Variants in BAHCC1 observed in about 807,000 individuals in gnomAD.
The protein encoded by BAHCC1 is BAH domain and coiled-coil containing 1, also known as BAH and coiled-coil domain-containing protein 1.
Under a neutral mutation model 88.2 loss-of-function variants are expected in BAHCC1, and 43 were observed. The observed-to-expected ratio is 0.49, with a 90% CI of 0.38 to 0.63. BAHCC1 has a LOEUF of 0.63. Ranked by LOEUF, BAHCC1 falls within the 20% of genes least tolerant of loss-of-function variation. BAHCC1 has a pLI of 0.00. For synonymous variants in BAHCC1, 1,510 were observed against 745.5 expected (o/e 2.03, Z -16.71); for missense variants, 3,023 against 1,654.8 (o/e 1.83, Z -14.34).
Position 81,455,364 on chromosome 17 carries a change from T to C in BAHCC1, c.4543T>C (p.Tyr1515His). The stretch of plus-strand genomic sequence containing the variant: ...GCGAAGCAAGCTGGAGAGGAGCGTC[T>C]ATGCGGGCCTGCAGACTGCCTCCGT... ...KKRSKLERSV[Y>H]AGLQTASVEK... The change falls in exon 15 of 28, where the codon TAT (tyrosine) becomes CAT (histidine). Residue 1515 changes from tyrosine to histidine, a missense_variant. Coordinates refer to ENST00000675386, the MANE Select transcript of BAHCC1 (RefSeq NM_001377448.1). 1.4e-6 allele frequency: 1 copy of C among 716,594 alleles called. No individual in the cohort carries two copies. The highest frequency in any genetic ancestry group is 2.6e-6 in the Non-Finnish European group (1 of 384,920). The allele number at this position is 716,594 out of a possible 1,614,324, so 44.4% of individuals were successfully genotyped here. A position where few individuals can be genotyped will look rare whatever the true frequency, so the allele number is the denominator to read the frequency against.
chr17:81,402,854 T>C (rs1173368292), intron 2 of BAHCC1: 1 of 152,256 alleles, frequency 6.6e-6, no homozygotes, highest in African/African-American at 2.4e-5. Flanking sequence ...GCTCCCAGGC[T>C]TCTTCCATTG....
chr17:81,451,918 GC>G (rs781804584), intron 12 of BAHCC1, 48 bp downstream of exon 12: 7 of 654,770 alleles, frequency 1.1e-5, no homozygotes, highest in South Asian at 8.3e-5. Context: ...TTGCCACAGA[GC>G]CCCAGCCTGG....
chr17:81,422,923 C>G (rs1032469134), intron 2 of BAHCC1: 22 of 304,978 alleles, frequency 7.2e-5, no homozygotes, highest in Non-Finnish European at 1.2e-4. Flanking sequence ...CACACTCACC[C>G]CACAGGCATG....
chr17:81,453,623 G>A (rs1555656496), intron 14 of BAHCC1, among the ~76,000 whole-genome samples: 1 of 151,940 alleles, frequency 6.6e-6, no homozygotes, highest in African/African-American at 2.4e-5. Context: ...GCCCTGCCCA[G>A]GTGTCTCCTG....
Position 81,443,434 on chromosome 17 carries a change from C to T in BAHCC1, c.2085C>T (p.Asp695=), listed in dbSNP as rs782756930. 12 of 752,116 alleles carry T rather than the reference C, an allele frequency of 1.6e-5. No individual in the cohort carries two copies. Among genetic ancestry groups the T allele is most frequent in the African/African-American group, 8.6e-5 (5 of 58,460 alleles). 46.6% of individuals were successfully genotyped at this position (752,116 alleles called of 1,614,324 possible). A position where few individuals can be genotyped will look rare whatever the true frequency, so the allele number is the denominator to read the frequency against. Residue 695 remains aspartate, a synonymous_variant, in exon 5 of 28, where the codon GAC becomes GAT. Coordinates refer to ENST00000675386, the MANE Select transcript of BAHCC1 (RefSeq NM_001377448.1). ...RSREHDTTHG[D]GEVRQPPVGI... ...GGGAGCACGACACCACGCACGGCGA[C>T]GGGGAGGTGCGGCAGCCCCCTGTGG...
chr17:81,398,777 C>G (rs1555645316), intron 1 of BAHCC1, among the ~76,000 whole-genome samples: 1 of 72,184 alleles, frequency 1.4e-5, no homozygotes, highest in Non-Finnish European at 2.7e-5. Context: ...GGTTGCGGGC[C>G]TCCGGGGCTC....
intron 13 of BAHCC1, 21 bp downstream of exon 13, chr17:81,452,128 G>T: frequency 1.7e-6 from 1 of 583,614 alleles, no homozygotes; most frequent in Non-Finnish European, 3.0e-6. Context: ...CGTGGCGGGG[G>T]GGCCTGGGAG....
intron 2 of BAHCC1, chr17:81,402,226 C>T (rs556204488): frequency 2.6e-5 from 4 of 152,306 alleles, no homozygotes; most frequent in East Asian, 1.9e-4. Flanking sequence ...CGCTTGTGCT[C>T]GGAGATGTTC....
At chr17:81,448,471 C>T (rs1179652031) in intron 11 of BAHCC1, among the ~76,000 whole-genome samples, 5 of 152,182 alleles carry the variant, frequency 3.3e-5, no homozygotes, top group Non-Finnish European at 7.4e-5. Flanking sequence ...TTGGTCCGGG[C>T]ACTCCCTGCG....
chr17:81,412,805 A>T (rs944977530), intron 2 of BAHCC1, among the ~76,000 whole-genome samples: 1 of 152,222 alleles, frequency 6.6e-6, no homozygotes, highest in Non-Finnish European at 1.5e-5. Context: ...AGCTTCTGTG[A>T]GTCGGGAATC....
At chr17:81,444,926 T>A in intron 8 of BAHCC1, 89 bp from the exon 9 acceptor site, 1 of 685,878 alleles carries the variant, frequency 1.5e-6, no homozygotes, top group Admixed American at 2.4e-5. Flanking sequence ...AGCGGTGGGC[T>A]TGGTGGGCTG....
At position 81,442,249 on chromosome 17, in the gene BAHCC1, C is replaced by T. The variant is rs1260695639; in HGVS notation, c.900C>T (p.Ala300=). Residue 300 remains alanine (A), a synonymous_variant, in exon 5 of 28, where the codon GCC becomes GCT. Coordinates refer to ENST00000675386, the MANE Select transcript of BAHCC1 (RefSeq NM_001377448.1). ...LNGEMGRAAL[A]SCAGGMLGRP... ...GCGAGATGGGCAGGGCTGCGCTAGC[C>T]AGCTGTGCAGGGGGCATGCTGGGGC... The T allele has an allele frequency of 3.2e-6, 2 of 629,358 alleles. No homozygotes were observed. The highest frequency in any genetic ancestry group is 5.7e-6 in the Non-Finnish European group (2 of 349,260). The allele number at this position is 629,358 out of a possible 1,614,324, so 39.0% of individuals were successfully genotyped here.
In BAHCC1 at chr17:81,446,941, G is replaced by A. The variant is rs1251320989; in HGVS notation, c.3164-95G>A. 10 of 734,380 alleles carry A rather than the reference G, an allele frequency of 1.4e-5. No individual in the cohort carries two copies. In the East Asian group the frequency reaches 2.0e-4, roughly 15 times the overall value. The allele number at this position is 734,380 out of a possible 1,614,324, so 45.5% of individuals were successfully genotyped here. A position where few individuals can be genotyped will look rare whatever the true frequency, so the allele number is the denominator to read the frequency against. ...CCAGGGCCCTTCCGCACGGGCTTGG[G>A]TCTGAGGGTTCGAGGCCACTGTCCT... is the stretch of plus-strand genomic sequence containing the variant. On this transcript the variant is annotated intron_variant, in intron 10 of 27. Coordinates refer to ENST00000675386, the MANE Select transcript of BAHCC1 (RefSeq NM_001377448.1).
In BAHCC1 at chr17:81,445,636, G is replaced by C. The variant is rs868988700; in HGVS notation, c.3118G>C (p.Gly1040Arg). The change falls in exon 10 of 28, where the codon GGG becomes CGG. Residue 1040 changes from glycine (G) to arginine (R), a missense_variant. Gly to Arg is a moderately radical substitution (Grantham distance 125). Transcript: ENST00000675386. The part of the protein sequence containing the change: ...SRVRSAEEKN[G>R]EGQQSTADII... ...GGTGCGCAGCGCCGAGGAAAAGAAT[G>C]GGGAGGGTCAGCAGTCCACGGCCGA... The C allele has an allele frequency of 1.4e-6, 1 of 734,398 alleles. No individual in the cohort carries two copies. The highest frequency in any genetic ancestry group is 2.5e-6 in the Non-Finnish European group (1 of 395,416). The allele number at this position is 734,398 out of a possible 1,614,324, so 45.5% of individuals were successfully genotyped here.
chr17:81,441,938 A>G lies in BAHCC1; in HGVS notation c.589A>G (p.Ser197Gly). The change falls in exon 5 of 28, where the codon AGC (serine) becomes GGC (glycine). Residue 197 changes from serine to glycine, a missense_variant. Physicochemically the swap from Ser to Gly is moderately conservative, Grantham distance 56 (BLOSUM62 0). Transcript: ENST00000675386. ...AAPAHPMGSCSRDRDRGEAGS... is the reference protein window; with the variant it reads ...AAPAHPMGSCGRDRDRGEAGS... The stretch of plus-strand genomic sequence containing the variant: ...CCCTGCCCACCCCATGGGCTCCTGC[A>G]GCCGGGATCGAGACCGGGGTGAGGC... 1 of 737,366 alleles carries G rather than the reference A, an allele frequency of 1.4e-6. No individual in the cohort carries two copies. The highest frequency in any genetic ancestry group is 2.6e-6 in the Non-Finnish European group (1 of 390,244). The allele number at this position is 737,366 out of a possible 1,614,324, so 45.7% of individuals were successfully genotyped here.
At chr17:81,425,482 T>A (rs1263216073) in intron 2 of BAHCC1, among the ~76,000 whole-genome samples, 1 of 69,842 alleles carries the variant, frequency 1.4e-5, no homozygotes, top group Non-Finnish European at 2.5e-5. Context: ...GTTGGTGTGA[T>A]GTGGTTGGTG....
Position 81,460,797 on chromosome 17 carries a change from G to T in BAHCC1, c.6203-69G>T, listed in dbSNP as rs985261292. Reference sequence around the variant, plus strand: ...GAGGCCCGTGGGGTAGGCAGGGTCCGGGGAGGGGCAGGTGGAGGCAGCTTT... The same window carrying T: ...GAGGCCCGTGGGGTAGGCAGGGTCCTGGGAGGGGCAGGTGGAGGCAGCTTT... On this transcript the variant is annotated intron_variant, in intron 25 of 27. Transcript: ENST00000675386. 5 of 770,256 alleles carry T rather than the reference G, an allele frequency of 6.5e-6. No homozygotes were observed. The African/African-American group carries it at 8.5e-5, about 13-fold the overall frequency. The allele number at this position is 770,256 out of a possible 1,614,324, so 47.7% of individuals were successfully genotyped here. A position where few individuals can be genotyped will look rare whatever the true frequency, so the allele number is the denominator to read the frequency against.
Position 81,458,364 on chromosome 17 carries a change from C to T in BAHCC1, c.5241C>T (p.Asn1747=), listed in dbSNP as rs1555658016. ...GATPSRDALF[N]PSRAFACREE... ...CCCCCAGCAGGGACGCCCTCTTCAA[C>T]CCCTCTCGGGCCTTCGCCTGCCGTG... Residue 1747 remains asparagine (N), a synonymous_variant, in exon 18 of 28, where the codon AAC becomes AAT. Coordinates refer to ENST00000675386, the MANE Select transcript of BAHCC1 (RefSeq NM_001377448.1). The T allele has an allele frequency of 2.7e-6, 2 of 728,042 alleles. No homozygotes were observed. The allele number at this position is 728,042 out of a possible 1,614,324, so 45.1% of individuals were successfully genotyped here.
chr17:81,421,624 C>T (rs1236912891), intron 2 of BAHCC1, among the ~76,000 whole-genome samples: 2 of 152,220 alleles, frequency 1.3e-5, no homozygotes, highest in South Asian at 2.1e-4. Flanking sequence ...GAGAAATCCA[C>T]GCCTTTAGAG....
Sources: allele counts gnomAD v4.1 joint callset (sites outside exome capture counted in the v4.1 genomes callset), GRCh38; gene constraint gnomAD v4.1.1; transcripts MANE v1.5; gene names NCBI Gene and HGNC (gene_info 2026-07-23, HGNC 2026-07-21).